Variants in RNF220 observed in about 807,000 individuals in gnomAD.
The protein encoded by RNF220 is ring finger protein 220.
In RNF220, 7 loss-of-function variants were observed where a neutral mutation model predicts 67.1. That is an observed-to-expected ratio of 0.10 (90% CI 0.06 to 0.20). The LOEUF is 0.20. Among genes scored for constraint, RNF220 ranks in the 10% least tolerant of loss-of-function variants. The probability of loss-of-function intolerance (pLI) is 1.00; values close to 1 mark genes in which losing one functional copy is unlikely to be tolerated. For missense variants in RNF220, 565 were observed against 740.3 expected, an observed-to-expected ratio of 0.76 and a Z score of 2.75; for synonymous variants, 270 against 283.2, an observed-to-expected ratio of 0.95 and a Z score of 0.47.
chr1:44,522,381 C>G (rs1173580092), intron 2 of RNF220, among the ~76,000 whole-genome samples: 1 of 152,124 alleles, frequency 6.6e-6, no homozygotes, highest in Non-Finnish European at 1.5e-5. Flanking sequence ...TAACATGGAG[C>G]CTGGCACACA....
chr1:44,626,566 G>C (rs561178750), intron 5 of RNF220, 168 bp downstream of exon 5: 1 of 610,970 alleles, frequency 1.6e-6, no homozygotes, highest in Non-Finnish European at 2.9e-6. Context: ...GGAGGCATAC[G>C]TGTCAGGGAA....
At chr1:44,449,519 TCCAC>T (rs1250279518) in intron 2 of RNF220, among the ~76,000 whole-genome samples, 4 of 152,108 alleles carry the variant, frequency 2.6e-5, no homozygotes, top group African/African-American at 9.7e-5. Context: ...GCTCTGGTGA[TCCAC>T]CTACCTCAGC....
intron 2 of RNF220, among the ~76,000 whole-genome samples, chr1:44,553,801 G>A (rs968297836): frequency 2.6e-5 from 4 of 152,170 alleles, no homozygotes; most frequent in Non-Finnish European, 4.4e-5. Flanking sequence ...AGGAAAGGAC[G>A]ATTTATAAAG....
At chr1:44,500,497 TTGTC>T (rs758480269) in intron 2 of RNF220, among the ~76,000 whole-genome samples, 6 of 152,244 alleles carry the variant, frequency 3.9e-5, no homozygotes, top group Non-Finnish European at 7.3e-5. Flanking sequence ...GATTTGCTGA[TTGTC>T]TGTCTCACCC....
intron 3 of RNF220, among the ~76,000 whole-genome samples, chr1:44,620,219 G>T (rs532620534): frequency 6.6e-6 from 1 of 152,264 alleles, no homozygotes; most frequent in Admixed American, 6.5e-5. Flanking sequence ...TCCACGGACT[G>T]TGTGACCATA....
intron 2 of RNF220, among the ~76,000 whole-genome samples, chr1:44,457,090 C>T (rs1224325831): frequency 1.3e-5 from 2 of 151,952 alleles, no homozygotes; most frequent in Non-Finnish European, 2.9e-5. Flanking sequence ...CCAACCGTTT[C>T]CCCTTCCCTG....
intron 2 of RNF220, among the ~76,000 whole-genome samples, chr1:44,520,543 G>T (rs2148154610): frequency 6.6e-6 from 1 of 152,296 alleles, no homozygotes; most frequent in African/African-American, 2.4e-5. Context: ...TGCCTCTCCT[G>T]CCTTGGGTTT....
At chr1:44,466,285 A>G (rs1654269376) in intron 2 of RNF220, among the ~76,000 whole-genome samples, 1 of 152,216 alleles carries the variant, frequency 6.6e-6, no homozygotes, top group African/African-American at 2.4e-5. Context: ...CTACGTCTTC[A>G]GGCTCCACTT....
intron 2 of RNF220, among the ~76,000 whole-genome samples, chr1:44,427,776 T>C (rs940649150): frequency 1.3e-5 from 2 of 152,306 alleles, no homozygotes; most frequent in Non-Finnish European, 2.9e-5. Context: ...AAGGATTAAA[T>C]GAGTTAATAG....
intron 2 of RNF220, among the ~76,000 whole-genome samples, chr1:44,604,682 T>C (rs1667151413): frequency 6.6e-6 from 1 of 152,264 alleles, no homozygotes; most frequent in Admixed American, 6.5e-5. Context: ...CACCTGGCTG[T>C]CTTGCAGATG....
At chr1:44,589,070 T>C (rs1254188176) in intron 2 of RNF220, among the ~76,000 whole-genome samples, 1 of 152,228 alleles carries the variant, frequency 6.6e-6, no homozygotes, top group African/African-American at 2.4e-5. Flanking sequence ...CCTTTCTGAC[T>C]TGCCTGCTCA....
chr1:44,438,872 T>G (rs1651258919), intron 2 of RNF220, among the ~76,000 whole-genome samples: 2 of 152,226 alleles, frequency 1.3e-5, no homozygotes, highest in South Asian at 4.1e-4. Context: ...AAATGCTGAT[T>G]TGTTACTTTC....
rs1279275019 is a variant in RNF220, at chr1:44,614,177, C to G, written c.638C>G (p.Ala213Gly). Residue 213 changes from alanine to glycine, a missense_variant, in exon 3 of 15, where the codon GCA (alanine) becomes GGA (glycine). Transcript: ENST00000361799. ...EDRNDRCKKK[A>G]AALFDSQAPI... is the part of the protein sequence containing the mutation. ...CTCCCCTCACTAGGTAAGAAGAAAG[C>G]AGCGGCATTGTTCGACAGCCAGGCC... 1.2e-6 allele frequency: 2 copies of G among 1,614,090 alleles called. No individual in the cohort carries two copies. The highest frequency in any genetic ancestry group is 1.7e-6 in the Non-Finnish European group (2 of 1,180,016).
At chr1:44,580,286 G>A (rs1261029631) in intron 2 of RNF220, among the ~76,000 whole-genome samples, 2 of 152,010 alleles carry the variant, frequency 1.3e-5, no homozygotes, top group Non-Finnish European at 2.9e-5. Context: ...TTCCCACCAT[G>A]ACAATAGAAA....
At chr1:44,482,920 CTTTTTTTTTTTTT>C (rs34268893) in intron 2 of RNF220, among the ~76,000 whole-genome samples, 1 of 69,120 alleles carries the variant, frequency 1.4e-5, no homozygotes, top group African/African-American at 6.4e-5. Flanking sequence ...CACACCCAGC[CTTTTTTTTTTTTT>C]TTTTTTTTTT....
intron 2 of RNF220, among the ~76,000 whole-genome samples, chr1:44,604,438 G>A (rs1667133554): frequency 6.6e-6 from 1 of 152,244 alleles, no homozygotes; most frequent in Non-Finnish European, 1.5e-5. Context: ...GAGGACAGAG[G>A]CTGTAGTTAT....
chr1:44,427,752 C>G (rs1435194544), intron 2 of RNF220, among the ~76,000 whole-genome samples: 1 of 152,182 alleles, frequency 6.6e-6, no homozygotes, highest in African/African-American at 2.4e-5. Context: ...GTATCAATCT[C>G]TTAGTGGTGT....
intron 3 of RNF220, among the ~76,000 whole-genome samples, chr1:44,617,581 T>C (rs1643613740): frequency 6.6e-6 from 1 of 152,218 alleles, no homozygotes; most frequent in Admixed American, 6.5e-5. Flanking sequence ...GCCCCAGCCT[T>C]GGCTGCCCTT....
At chr1:44,469,784 CAGAG>C (rs1350554064) in intron 2 of RNF220, among the ~76,000 whole-genome samples, 1 of 152,064 alleles carries the variant, frequency 6.6e-6, no homozygotes, top group Non-Finnish European at 1.5e-5. Context: ...GTTTAGGCAA[CAGAG>C]AGGAAAAACA....
Sources: allele counts gnomAD v4.1 joint callset (sites outside exome capture counted in the v4.1 genomes callset), GRCh38; gene constraint gnomAD v4.1.1; transcripts MANE v1.5; gene names NCBI Gene and HGNC (gene_info 2026-07-23, HGNC 2026-07-21).